Variants in CADPS2 observed in about 807,000 individuals in gnomAD.
The protein encoded by CADPS2 is calcium-dependent secretion activator 2.
CADPS2 carries 93 observed loss-of-function variants against 172.5 expected under a neutral mutation model. That is an observed-to-expected ratio of 0.54 (90% CI 0.46 to 0.64). The LOEUF (loss-of-function observed/expected upper bound fraction) is 0.64. Ranked by LOEUF, CADPS2 falls within the 30% of genes least tolerant of loss-of-function variation. The pLI, the probability that CADPS2 is intolerant of heterozygous loss-of-function variation, is 0.00. For missense variants in CADPS2, 1,420 were observed against 1,565.9 expected (o/e 0.91, Z 1.57); for synonymous variants, 546 against 555.2 (o/e 0.98, Z 0.23).
intron 2 of CADPS2, among the ~76,000 whole-genome samples, chr7:122,701,102 T>C (rs141222827): frequency 2.6e-4 from 39 of 152,166 alleles, no homozygotes; most frequent in African/African-American, 8.2e-4. Flanking sequence ...AACTTTAAAA[T>C]AGCATGGCTA....
chr7:122,376,592 T>G (rs2042384590), intron 25 of CADPS2, among the ~76,000 whole-genome samples: 1 of 152,146 alleles, frequency 6.6e-6, no homozygotes, highest in African/African-American at 2.4e-5. Context: ...AATGGAGAGA[T>G]ATTTGTCAAA....
chr7:122,715,226 G>T (rs192181460), intron 2 of CADPS2, among the ~76,000 whole-genome samples: 1 of 152,038 alleles, frequency 6.6e-6, no homozygotes, highest in African/African-American at 2.4e-5. Context: ...TTTTCATACC[G>T]ATATACAGGA....
chr7:122,523,061 T>G (rs1181880620), intron 8 of CADPS2, among the ~76,000 whole-genome samples: 1 of 152,176 alleles, frequency 6.6e-6, no homozygotes, highest in Non-Finnish European at 1.5e-5. Context: ...GATTCACTGA[T>G]TTCTGTTTCT....
chr7:122,729,938 C>G (rs1588828559), intron 2 of CADPS2, among the ~76,000 whole-genome samples: 2 of 151,706 alleles, frequency 1.3e-5, no homozygotes, highest in South Asian at 4.1e-4. Flanking sequence ...ATCATGAAAA[C>G]AGAATCCAAA....
At chr7:122,608,232 GCA>G (rs2073848233) in intron 6 of CADPS2, among the ~76,000 whole-genome samples, 1 of 149,264 alleles carries the variant, frequency 6.7e-6, no homozygotes, top group Non-Finnish European at 1.5e-5. Flanking sequence ...AAAAAAGAAG[GCA>G]CAGTTTTTGA....
intron 20 of CADPS2, among the ~76,000 whole-genome samples, chr7:122,401,670 T>C (rs1032818559): frequency 6.6e-6 from 1 of 152,214 alleles, no homozygotes; most frequent in African/African-American, 2.4e-5. Flanking sequence ...TTCAAAAGTG[T>C]TTCCTTAGAT....
At position 122,528,110 on chromosome 7, in the gene CADPS2, AGTGGTGGTGGTGGTGGTG is replaced by A. The variant is rs71159802; in HGVS notation, c.1476-14813_1476-14796del. Among the ~76,000 whole-genome samples, 171 of 130,120 alleles carry A rather than the reference AGTGGTGGTGGTGGTGGTG, an allele frequency of 1.3e-3. 4 individuals are homozygous for A. The highest frequency in any genetic ancestry group is 3.6e-3 in the Middle Eastern group (1 of 276). The allele number at this position is 130,120 out of a possible 152,430, so 85.4% of individuals were successfully genotyped here. A position where few individuals can be genotyped will look rare whatever the true frequency, so the allele number is the denominator to read the frequency against. Reference sequence around the variant, plus strand: ...AAAACACAATGTAGATGAAGGCATTAGTGGTGGTGGTGGTGGTGGTGGTGGTGGTGGTGGTGGTGGTGG... The same window carrying A: ...AAAACACAATGTAGATGAAGGCATTAGTGGTGGTGGTGGTGGTGGTGGTGG... On this transcript the variant is annotated intron_variant, in intron 8 of 29. Coordinates refer to ENST00000449022, the MANE Select transcript of CADPS2 (RefSeq NM_017954.11).
intron 19 of CADPS2, among the ~76,000 whole-genome samples, chr7:122,409,221 CA>C: frequency 6.6e-6 from 1 of 152,246 alleles, no homozygotes; most frequent in East Asian, 1.9e-4. Flanking sequence ...ATAGTGGTGA[CA>C]AAAGAAGAAC....
chr7:122,613,489 T>A (rs2074530153), intron 6 of CADPS2, among the ~76,000 whole-genome samples: 1 of 152,142 alleles, frequency 6.6e-6, no homozygotes, highest in African/African-American at 2.4e-5. Flanking sequence ...AAGTATACTC[T>A]ATGATGTTCA....
chr7:122,589,596 A>G (rs988068811), intron 6 of CADPS2, among the ~76,000 whole-genome samples: 1 of 151,936 alleles, frequency 6.6e-6, no homozygotes, highest in African/African-American at 2.4e-5. Context: ...AAGATAAGTA[A>G]GTTTTCATGG....
intron 3 of CADPS2, among the ~76,000 whole-genome samples, chr7:122,648,891 G>A (rs564335567): frequency 3.9e-4 from 59 of 152,218 alleles, no homozygotes; most frequent in African/African-American, 1.3e-3. Flanking sequence ...GCAGAACAAT[G>A]CGTAGTGCTT....
chr7:122,632,326 A>G (rs1416454338), intron 3 of CADPS2, among the ~76,000 whole-genome samples: 1 of 152,180 alleles, frequency 6.6e-6, no homozygotes, highest in Non-Finnish European at 1.5e-5. Flanking sequence ...CCACCCACAG[A>G]ATACAAACAT....
chr7:122,516,155 T>C (rs1416989523), intron 8 of CADPS2, among the ~76,000 whole-genome samples: 1 of 152,120 alleles, frequency 6.6e-6, no homozygotes, highest in African/African-American at 2.4e-5. Context: ...TAAATGATGA[T>C]TTCTGGGATT....
At chr7:122,575,047 A>G (rs983004564) in intron 7 of CADPS2, among the ~76,000 whole-genome samples, 1 of 152,150 alleles carries the variant, frequency 6.6e-6, no homozygotes, top group Non-Finnish European at 1.5e-5. Flanking sequence ...ATGCTTGGCA[A>G]AGATGTTTAC....
At chr7:122,770,541 T>C (rs897658818) in intron 1 of CADPS2, among the ~76,000 whole-genome samples, 3 of 152,072 alleles carry the variant, frequency 2.0e-5, no homozygotes, top group East Asian at 3.9e-4. Context: ...ACTCAGTACT[T>C]ATGGGAGAAT....
At chr7:122,729,557 C>T (rs984315658) in intron 2 of CADPS2, among the ~76,000 whole-genome samples, 3 of 151,544 alleles carry the variant, frequency 2.0e-5, no homozygotes, top group East Asian at 3.9e-4. Context: ...TAATAATAGC[C>T]ATTCTAACTG....
At chr7:122,829,228 C>A (rs965758531) in intron 1 of CADPS2, among the ~76,000 whole-genome samples, 68 of 152,142 alleles carry the variant, frequency 4.5e-4, no homozygotes, top group African/African-American at 1.6e-3. Context: ...CTGTCCTCCA[C>A]TCTCACCAAC....
chr7:122,575,970 T>C lies in CADPS2; in HGVS notation c.1335+5209A>G, dbSNP rs56185713. 7.7e-3 allele frequency among the ~76,000 whole-genome samples: 1,178 copies of C among 152,276 alleles called. 14 individuals carry two copies. The highest frequency in any genetic ancestry group is 0.027 in the African/African-American group (1,136 of 41,560). ...TTTGTTATAACCAAGAAACTTACATTGGCACATTACTATTAACTGAATTCC... is the reference window on the plus strand; with the variant it reads ...TTTGTTATAACCAAGAAACTTACATCGGCACATTACTATTAACTGAATTCC... On this transcript the variant is annotated intron_variant, in intron 7 of 29. Coordinates refer to ENST00000449022, the MANE Select transcript of CADPS2 (RefSeq NM_017954.11).
rs149475218 is a variant in CADPS2, at chr7:122,701,947, T to C, written c.453+35008A>G. On this transcript the variant is annotated intron_variant, in intron 2 of 29. Coordinates refer to ENST00000449022, the MANE Select transcript of CADPS2 (RefSeq NM_017954.11). ...TGCAAGTTAAAATGCGTACTACATC[T>C]TGGGGTTTGTATGTGTCAAAGCAAA... 7.4e-4 allele frequency: 1,187 copies of C among 1,613,658 alleles called. 6 individuals are homozygous for C. The African/African-American group carries it at 0.014, about 19-fold the overall frequency.
Sources: gnomAD v4.1 joint callset for allele counts (sites outside exome capture counted in the v4.1 genomes callset) on GRCh38, gnomAD v4.1.1 for gene constraint, MANE v1.5 for transcripts, NCBI Gene and HGNC (gene_info 2026-07-23, HGNC 2026-07-21) for gene names.